The following TANC1 variants were observed in gnomAD, a reference collection of about 807,000 sequenced individuals.
TANC1 encodes the protein tetratricopeptide repeat, ankyrin repeat and coiled-coil containing 1, also known as protein TANC1.
In TANC1, 77 loss-of-function variants were observed where a neutral mutation model predicts 149.7. That is an observed-to-expected ratio of 0.51 (90% CI 0.43 to 0.62). The LOEUF (loss-of-function observed/expected upper bound fraction) is 0.62. TANC1 is among the 20% of genes least tolerant of loss of function. The pLI is 0.00. For missense variants in TANC1, 1,985 were observed against 2,321.8 expected, an observed-to-expected ratio of 0.85 and a Z score of 2.98; for synonymous variants, 854 against 925.0, an observed-to-expected ratio of 0.92 and a Z score of 1.39.
At chr2:159,173,683 G>C (rs910712226) in intron 11 of TANC1, among the ~76,000 whole-genome samples, 4 of 152,184 alleles carry the variant, frequency 2.6e-5, no homozygotes, top group African/African-American at 9.7e-5. Context: ...AATGCCATGT[G>C]AGACTGTGGT....
intron 4 of TANC1, among the ~76,000 whole-genome samples, chr2:159,116,842 C>T (rs1448710420): frequency 6.6e-6 from 1 of 152,194 alleles, no homozygotes; most frequent in East Asian, 1.9e-4. Context: ...GTATGAACCC[C>T]ACTTACAGTG....
Position 159,170,811 on chromosome 2 carries a change from T to A in TANC1, c.1351+6T>A. 1 of 1,610,864 alleles carries A rather than the reference T, an allele frequency of 6.2e-7. No homozygotes were observed. The highest frequency in any genetic ancestry group is 1.1e-5 in the South Asian group (1 of 91,018). On this transcript the variant is annotated splice_donor_region_variant and intron_variant, in intron 10 of 26. Transcript: ENST00000263635. Reference sequence around the variant, plus strand: ...CCCGGGTTCATCACCTAAAAGTACGTGCATGTTTAATTACTTGTCTAGTTT... The same window carrying A: ...CCCGGGTTCATCACCTAAAAGTACGAGCATGTTTAATTACTTGTCTAGTTT...
At chr2:159,134,637 C>G (rs10183669) in intron 4 of TANC1, among the ~76,000 whole-genome samples, 6 of 152,156 alleles carry the variant, frequency 3.9e-5, no homozygotes, top group Non-Finnish European at 8.8e-5. Context: ...CGCCCACTAC[C>G]GCGCCTGGCT....
chr2:159,184,805 C>T (rs1418109705), intron 14 of TANC1, among the ~76,000 whole-genome samples: 4 of 152,116 alleles, frequency 2.6e-5, no homozygotes, highest in East Asian at 3.8e-4. Context: ...AGACAATGGA[C>T]GAGACTCAGT....
In TANC1 at chr2:159,230,897, C is replaced by G; in HGVS notation, c.5471C>G (p.Ser1824Cys). The G allele has an allele frequency of 6.2e-7, 1 of 1,614,192 alleles. No homozygotes were observed. The highest frequency in any genetic ancestry group is 8.5e-7 in the Non-Finnish European group (1 of 1,180,020). ...GAGAACAGGATAACTAAGACTGTTT[C>G]TCATCTGTACCAGGAAAGTATCTCC... Reference protein sequence around the residue: ...SQENRITKTVSHLYQESISKQ... With the variant: ...SQENRITKTVCHLYQESISKQ... Residue 1824 changes from serine (S) to cysteine (C), a missense_variant, in exon 27 of 27, where the codon TCT (serine) becomes TGT (cysteine). Coordinates refer to ENST00000263635, the MANE Select transcript of TANC1 (RefSeq NM_033394.3). The surrounding 1 kb of genome is among the most constrained non-coding windows in gnomAD (Gnocchi z 4.4).
At chr2:159,133,268 G>T (rs2050290412) in intron 4 of TANC1, among the ~76,000 whole-genome samples, 1 of 151,858 alleles carries the variant, frequency 6.6e-6, no homozygotes, top group Non-Finnish European at 1.5e-5. Flanking sequence ...GGGAAAATAT[G>T]TCAGCAGTTC....
At position 159,164,271 on chromosome 2, in the gene TANC1, G is replaced by A. The variant is rs190371218; in HGVS notation, c.946+725G>A. Among the ~76,000 whole-genome samples the A allele has an allele frequency of 3.1e-3, 464 of 152,118 alleles. 3 individuals carry two copies. Among genetic ancestry groups the A allele is most frequent in the African/African-American group, 0.011 (443 of 41,474 alleles). ...GCAGAAATACCCAAGGAAAAAAATC[G>A]ATAAAAAATAATAAGAATTTAAAAA... On this transcript the variant is annotated intron_variant, in intron 8 of 26. Coordinates refer to ENST00000263635, the MANE Select transcript of TANC1 (RefSeq NM_033394.3).
At chr2:159,212,639 C>T (rs888439237) in intron 19 of TANC1, among the ~76,000 whole-genome samples, 5 of 152,026 alleles carry the variant, frequency 3.3e-5, no homozygotes, top group Middle Eastern at 3.4e-3. Context: ...ACCATCATCC[C>T]GGCTGGGCAT....
At chr2:159,056,765 C>A in intron 2 of TANC1, 1 of 336,790 alleles carries the variant, frequency 3.0e-6, no homozygotes, top group South Asian at 3.2e-5. Context: ...TGGCATTGCT[C>A]TGGGTGACCT....
intron 1 of TANC1, among the ~76,000 whole-genome samples, chr2:158,995,978 G>T (rs1355263564): frequency 6.6e-6 from 1 of 152,172 alleles, no homozygotes; most frequent in African/African-American, 2.4e-5. Context: ...ACTCTGTCTT[G>T]GAAGAATTCT....
At chr2:159,109,797 C>A (rs1399426448) in intron 4 of TANC1, among the ~76,000 whole-genome samples, 3 of 152,170 alleles carry the variant, frequency 2.0e-5, no homozygotes, top group African/African-American at 7.2e-5. Context: ...TATCACACCA[C>A]ATGTATTCAA....
At chr2:159,102,741 TGGAG>T in intron 4 of TANC1, among the ~76,000 whole-genome samples, 1 of 50,164 alleles carries the variant, frequency 2.0e-5, no homozygotes, top group Admixed American at 2.4e-4. Context: ...TTTTTTGAGA[TGGAG>T]TCTCGCTCTA....
At chr2:159,097,566 T>C in intron 3 of TANC1, 71 bp from the exon 4 acceptor site, 2 of 1,147,202 alleles carry the variant, frequency 1.7e-6, no homozygotes, top group Non-Finnish European at 2.6e-6. Context: ...GAATATAGTT[T>C]ATAGGAGTTA....
chr2:159,179,690 C>T lies in TANC1; in HGVS notation c.2510+527C>T, dbSNP rs183524880. ...GCACCATGATCCAATCTAGCCTCCC[C>T]GCTCCACACCCTTCACCCTTTGTGG... On this transcript the variant is annotated intron_variant, in intron 14 of 26. Coordinates refer to ENST00000263635, the MANE Select transcript of TANC1 (RefSeq NM_033394.3). 1.5e-3 allele frequency among the ~76,000 whole-genome samples: 223 copies of T among 152,232 alleles called. 1 individual carries two copies. Among genetic ancestry groups the T allele is most frequent in the African/African-American group, 4.1e-3 (169 of 41,550 alleles).
intron 5 of TANC1, chr2:159,147,430 G>C (rs1420123740): frequency 6.6e-6 from 1 of 152,342 alleles, no homozygotes; most frequent in African/African-American, 2.4e-5. Flanking sequence ...GAGGCGGAGG[G>C]AGGGCGGTGC....
chr2:159,080,972 C>T (rs1478951661), intron 3 of TANC1, among the ~76,000 whole-genome samples: 7 of 152,222 alleles, frequency 4.6e-5, no homozygotes. Flanking sequence ...CTAATTTTCA[C>T]AGGCTCACTC....
At position 159,135,696 on chromosome 2, in the gene TANC1, G is replaced by A. The variant is rs193270789; in HGVS notation, c.260-498G>A. On this transcript the variant is annotated intron_variant, in intron 4 of 26. Transcript: ENST00000263635. Reference sequence around the variant, plus strand: ...ATGCCTGTGTTCTTGTGGCTGGTGCGCAGACTGTGTTGCTGTTACAGGCCG... The same window carrying A: ...ATGCCTGTGTTCTTGTGGCTGGTGCACAGACTGTGTTGCTGTTACAGGCCG... Among the ~76,000 whole-genome samples the A allele has an allele frequency of 1.1e-4, 16 of 152,364 alleles. No homozygotes were observed. The East Asian group carries it at 2.9e-3, about 28-fold the overall frequency.
intron 5 of TANC1, chr2:159,148,889 T>C: frequency 3.1e-6 from 1 of 326,328 alleles, no homozygotes; most frequent in Non-Finnish European, 5.5e-6. Context: ...AATTAGGAAT[T>C]GCCGTCAGAT....
rs552975553 is a variant in TANC1 at position 159,082,643 on chromosome 2, T to G, written c.62-14994T>G. On this transcript the variant is annotated intron_variant, in intron 3 of 26. Coordinates refer to ENST00000263635, the MANE Select transcript of TANC1 (RefSeq NM_033394.3). ...GGTAATAGGCATGTCCTTAGCAGAG[T>G]GCTGTAGGGACCGTTGCTGTAAACA... Among the ~76,000 whole-genome samples the G allele has an allele frequency of 9.1e-4, 138 of 152,068 alleles. 1 individual carries two copies. The highest frequency in any genetic ancestry group is 1.8e-3 in the Non-Finnish European group (122 of 67,994).
Sources: allele counts gnomAD v4.1 joint callset (sites outside exome capture counted in the v4.1 genomes callset), GRCh38; gene constraint gnomAD v4.1.1; non-coding constraint Gnocchi (gnomAD v3.1); transcripts MANE v1.5; gene names NCBI Gene and HGNC (gene_info 2026-07-23, HGNC 2026-07-21).